The following SLC30A8 variants were observed in gnomAD, a reference collection of about 807,000 sequenced individuals.
SLC30A8 encodes the protein proton-coupled zinc antiporter SLC30A8.
Under a neutral mutation model 36.9 loss-of-function variants are expected in SLC30A8, and 27 were observed. That is an observed-to-expected ratio of 0.73 (90% CI 0.54 to 1.01). The LOEUF is 1.01. Among genes scored for constraint, SLC30A8 ranks in the 50% least tolerant of loss-of-function variants. The pLI is 0.00. For synonymous variants in SLC30A8, 164 were observed against 172.4 expected, an observed-to-expected ratio of 0.95 and a Z score of 0.38; for missense variants, 439 against 452.0, an observed-to-expected ratio of 0.97 and a Z score of 0.26.
rs1363163906 is a variant in SLC30A8 at position 117,088,152 on chromosome 8, G to C, written c.-225-47128G>C. 2.0e-5 allele frequency among the ~76,000 whole-genome samples: 3 copies of C among 152,106 alleles called. No individual in the cohort carries two copies. In the Middle Eastern group the frequency reaches 9.5e-3, roughly 481 times the overall value. ...ATAAGGCAGAGATCCAGAAAGCCAA[G>C]AAAGAACTTGGACAGGTGAGAAAAA... On this transcript the variant is annotated intron_variant, in intron 2 of 10. Coordinates refer to the SLC30A8 transcript ENST00000427715.
At chr8:117,071,464 G>A (rs961817470) in intron 2 of SLC30A8, among the ~76,000 whole-genome samples, 3 of 152,114 alleles carry the variant, frequency 2.0e-5, no homozygotes, top group African/African-American at 7.2e-5. Flanking sequence ...CTTATCAGAA[G>A]TATGGGTTGC....
intron 1 of SLC30A8, among the ~76,000 whole-genome samples, chr8:117,019,604 C>T (rs1586406135): frequency 2.0e-5 from 3 of 152,190 alleles, no homozygotes; most frequent in South Asian, 4.1e-4. Flanking sequence ...CTCCTTCCTT[C>T]TTGAGGGCAA....
At chr8:116,992,602 T>C (rs547677792) in intron 1 of SLC30A8, among the ~76,000 whole-genome samples, 2 of 152,230 alleles carry the variant, frequency 1.3e-5, no homozygotes, top group South Asian at 2.1e-4. Context: ...CAGTCCCAAG[T>C]AGGTCCAGCA....
chr8:117,036,515 G>C (rs1255041512), intron 1 of SLC30A8, among the ~76,000 whole-genome samples: 1 of 152,140 alleles, frequency 6.6e-6, no homozygotes, highest in Admixed American at 6.6e-5. Context: ...AGGTTTCATT[G>C]ACTCACGGTT....
chr8:117,025,864 G>T (rs1365752848), intron 1 of SLC30A8, among the ~76,000 whole-genome samples: 1 of 152,206 alleles, frequency 6.6e-6, no homozygotes, highest in South Asian at 2.1e-4. Context: ...CTTAGGAGAA[G>T]AAAATGGCAT....
In SLC30A8 at chr8:117,138,201, G is replaced by A. The variant is rs150485977; in HGVS notation, c.71+2803G>A. Among the ~76,000 whole-genome samples, 393 of 151,870 alleles carry A rather than the reference G, an allele frequency of 2.6e-3. 11 individuals carry two copies. In the East Asian group the frequency reaches 0.06, roughly 23 times the overall value. On this transcript the variant is annotated intron_variant, in intron 1 of 7. Transcript: ENST00000456015. ...TTTCCCCAAGCCATATGTTGAAGAA[G>A]TGCAGAGGAAGTAAGGGCAGGAATA... is the stretch of plus-strand genomic sequence containing the variant.
intron 2 of SLC30A8, among the ~76,000 whole-genome samples, chr8:117,054,462 G>A (rs568533867): frequency 1.2e-4 from 19 of 152,170 alleles, no homozygotes; most frequent in Non-Finnish European, 2.4e-4. Flanking sequence ...TTTTGTAGGT[G>A]AAGTAACAGA....
At chr8:117,114,720 C>T (rs954028150) in intron 2 of SLC30A8, among the ~76,000 whole-genome samples, 6 of 142,572 alleles carry the variant, frequency 4.2e-5, no homozygotes, top group Admixed American at 2.8e-4. Flanking sequence ...CAAAAAGCCA[C>T]TCTTGTAGGT....
At chr8:117,054,047 A>C (rs1817790640) in intron 2 of SLC30A8, among the ~76,000 whole-genome samples, 2 of 151,960 alleles carry the variant, frequency 1.3e-5, no homozygotes, top group South Asian at 4.1e-4. Flanking sequence ...ATATTTAATG[A>C]GAAATAATAG....
intron 2 of SLC30A8, among the ~76,000 whole-genome samples, chr8:117,051,686 G>A (rs1334639830): frequency 2.6e-5 from 4 of 152,088 alleles, no homozygotes; most frequent in South Asian, 4.2e-4. Flanking sequence ...GGTGGCAGGC[G>A]CCTGTAGTCC....
intron 2 of SLC30A8, among the ~76,000 whole-genome samples, chr8:117,066,754 A>C (rs1026019996): frequency 2.0e-5 from 3 of 152,096 alleles, no homozygotes; most frequent in African/African-American, 7.2e-5. Flanking sequence ...TTTTGGCAAT[A>C]AAGGATAGGT....
rs185295340 is a variant in SLC30A8 at position 116,965,367 on chromosome 8, A to T, written c.-266+14248A>T. 1.1e-4 allele frequency among the ~76,000 whole-genome samples: 16 copies of T among 152,358 alleles called. No individual in the cohort carries two copies. The East Asian group carries it at 2.7e-3, about 26-fold the overall frequency. Reference sequence around the variant, plus strand: ...CTGAGATCTTGCTAATATACCAGTTACCTTCTCAAACAAAATAAGAGGGAA... The same window carrying T: ...CTGAGATCTTGCTAATATACCAGTTTCCTTCTCAAACAAAATAAGAGGGAA... On this transcript the variant is annotated intron_variant, in intron 1 of 10. Coordinates refer to the SLC30A8 transcript ENST00000427715.
intron 1 of SLC30A8, among the ~76,000 whole-genome samples, chr8:116,959,430 C>T (rs1368002514): frequency 6.6e-6 from 1 of 152,144 alleles, no homozygotes; most frequent in Admixed American, 6.5e-5. Flanking sequence ...AGATTGGCTT[C>T]AATTGATCGA....
intron 1 of SLC30A8, among the ~76,000 whole-genome samples, chr8:116,962,590 T>C (rs1814459184): frequency 6.6e-6 from 1 of 151,988 alleles, no homozygotes; most frequent in Admixed American, 6.6e-5. Flanking sequence ...TTGTTCAGTT[T>C]AGTCACTAGT....
chr8:117,098,587 A>C (rs1300983975), intron 2 of SLC30A8, among the ~76,000 whole-genome samples: 1 of 152,170 alleles, frequency 6.6e-6, no homozygotes, highest in East Asian at 1.9e-4. Context: ...ACATCCTGGA[A>C]AGCTGGCCAC....
intron 2 of SLC30A8, among the ~76,000 whole-genome samples, chr8:117,113,211 A>G (rs908428008): frequency 1.3e-5 from 2 of 152,188 alleles, no homozygotes; most frequent in African/African-American, 4.8e-5. Context: ...TGCACATGAA[A>G]GTTTGAGAGG....
At chr8:117,134,502 G>A (rs1821270290), upstream of SLC30A8, among the ~76,000 whole-genome samples, 5 of 151,952 alleles carry the variant, frequency 3.3e-5, no homozygotes, top group Admixed American at 2.6e-4. Context: ...GGTCTCCCAG[G>A]AGCAACTCAG....
intron 2 of SLC30A8, among the ~76,000 whole-genome samples, chr8:117,054,098 C>CTTTTTTTTTTTTTTTTTT (rs4060800): frequency 8.1e-6 from 1 of 124,170 alleles, no homozygotes; most frequent in African/African-American, 3.1e-5. Flanking sequence ...CTGCAAAAAT[C>CTTTTTTTTTTTTTTTTTT]TTTTTTTTTT....
intron 1 of SLC30A8, among the ~76,000 whole-genome samples, chr8:116,972,104 T>C (rs1364409808): frequency 6.6e-6 from 1 of 152,224 alleles, no homozygotes; most frequent in Non-Finnish European, 1.5e-5. Flanking sequence ...AAAGAACCAG[T>C]TATGTAATAC....
Sources: allele counts gnomAD v4.1 joint callset (sites outside exome capture counted in the v4.1 genomes callset), GRCh38; gene constraint gnomAD v4.1.1; transcripts MANE v1.5; gene names NCBI Gene and HGNC (gene_info 2026-07-23, HGNC 2026-07-21).